Variants in COL25A1 observed in about 807,000 individuals in gnomAD.
COL25A1 encodes the protein collagen type XXV alpha 1 chain.
A neutral mutation model predicts 128.4 loss-of-function variants in COL25A1; 103 were observed. The observed-to-expected ratio is 0.80, with a 90% CI of 0.68 to 0.94. The LOEUF (loss-of-function observed/expected upper bound fraction) is 0.94. Among genes scored for constraint, COL25A1 ranks in the 40% least tolerant of loss-of-function variants. The pLI is 0.00. For synonymous variants in COL25A1, 279 were observed against 277.2 expected (o/e 1.01, Z -0.06); for missense variants, 745 against 840.0 (o/e 0.89, Z 1.40).
chr4:108,881,859 A>G (rs926941681), intron 19 of COL25A1, among the ~76,000 whole-genome samples: 1 of 152,200 alleles, frequency 6.6e-6, no homozygotes, highest in African/African-American at 2.4e-5. Context: ...AGCTTATTAA[A>G]CCAAAAATAG....
At chr4:109,221,221 A>G (rs1392449891) in intron 3 of COL25A1, among the ~76,000 whole-genome samples, 1 of 151,912 alleles carries the variant, frequency 6.6e-6, no homozygotes, top group African/African-American at 2.4e-5. Context: ...AAAATTCTAC[A>G]GCAAAAAAAG....
chr4:108,886,258 C>T (rs1236465858), intron 18 of COL25A1, among the ~76,000 whole-genome samples: 3 of 152,066 alleles, frequency 2.0e-5, no homozygotes, highest in African/African-American at 4.8e-5. Context: ...TGTGGAACAT[C>T]GCCTAACATT....
At position 109,150,010 on chromosome 4, in the gene COL25A1, GTGTA is replaced by G. The variant is rs539654796; in HGVS notation, c.368-99835_368-99832del. ...TGTGTGTATGTGTGGGTGTGTGTGT[GTGTA>G]TGTATCTGTGTGTATGTGTATGTAT... On this transcript the variant is annotated intron_variant, in intron 3 of 37. Transcript: ENST00000399132. 1.6e-3 allele frequency among the ~76,000 whole-genome samples: 240 copies of G among 151,366 alleles called. 2 individuals carry two copies. In the South Asian group the frequency reaches 0.025, roughly 16 times the overall value.
At chr4:109,268,609 G>A (rs1426527204) in intron 3 of COL25A1, among the ~76,000 whole-genome samples, 5 of 152,106 alleles carry the variant, frequency 3.3e-5, no homozygotes, top group African/African-American at 4.8e-5. Flanking sequence ...CCAAAGACAC[G>A]TGCAAATTTA....
Position 108,918,159 on chromosome 4 carries a change from C to A in COL25A1, c.780+13G>T. The stretch of plus-strand genomic sequence containing the variant: ...CAAATTATTTTTAAAATACAATATT[C>A]TATAGAACTCACCTTTTGCCCATTC... On this transcript the variant is annotated intron_variant, in intron 13 of 37. Transcript: ENST00000399132. The A allele has an allele frequency of 6.4e-7, 1 of 1,562,442 alleles. No individual in the cohort carries two copies. Among genetic ancestry groups the A allele is most frequent in the Non-Finnish European group, 8.8e-7 (1 of 1,140,772 alleles).
chr4:108,823,386 A>G (rs1031052374), intron 35 of COL25A1, among the ~76,000 whole-genome samples: 2 of 152,154 alleles, frequency 1.3e-5, no homozygotes, highest in East Asian at 3.9e-4. Context: ...AGACAGAGAT[A>G]GAGAAGGATG....
chr4:108,827,201 G>C lies in COL25A1; in HGVS notation c.1711-13C>G, dbSNP rs1360700572. 4 of 1,613,190 alleles carry C rather than the reference G, an allele frequency of 2.5e-6. 1 individual carries two copies. In the South Asian group the frequency reaches 3.3e-5, roughly 13 times the overall value. ...CTCCTTTTTCACCCTAAAATGAAAA[G>C]TAGAAAGTTCAAATCATACACACCC... is the stretch of plus-strand genomic sequence containing the variant. On this transcript the variant is annotated splice_polypyrimidine_tract_variant and intron_variant, in intron 32 of 37. Transcript: ENST00000399132.
At chr4:109,000,683 T>C (rs1389782450) in intron 6 of COL25A1, among the ~76,000 whole-genome samples, 1 of 124,638 alleles carries the variant, frequency 8.0e-6, no homozygotes, top group African/African-American at 2.8e-5. Context: ...GAGGCAAAGG[T>C]TGCAGTGAGC....
chr4:108,998,428 A>C (rs1262545025), intron 6 of COL25A1, among the ~76,000 whole-genome samples: 1 of 152,264 alleles, frequency 6.6e-6, no homozygotes, highest in Non-Finnish European at 1.5e-5. Flanking sequence ...GGACCTCTTC[A>C]AGGAGAACTA....
At chr4:109,182,266 C>T (rs1204190772) in intron 3 of COL25A1, among the ~76,000 whole-genome samples, 1 of 152,014 alleles carries the variant, frequency 6.6e-6, no homozygotes, top group East Asian at 1.9e-4. Flanking sequence ...TTTGAGGAAC[C>T]TCCACACTGT....
rs55997800 is a variant in COL25A1 at position 109,254,469 on chromosome 4, T to TTATATATATATATA, written c.367+46100_367+46113dup. Among the ~76,000 whole-genome samples, 529 of 59,302 alleles carry TTATATATATATATA rather than the reference T, an allele frequency of 8.9e-3. 6 individuals are homozygous for TTATATATATATATA. Among genetic ancestry groups the TTATATATATATATA allele is most frequent in the African/African-American group, 0.017 (294 of 17,808 alleles). The allele number at this position is 59,302 out of a possible 152,430, so 38.9% of individuals were successfully genotyped here. ...GTGCTATGTACATGTAGGCATATGT[T>TTATATATATATATA]TATATATATATATATATATATATAT... On this transcript the variant is annotated intron_variant, in intron 3 of 37. Coordinates refer to ENST00000399132, the MANE Select transcript of COL25A1 (RefSeq NM_198721.4).
intron 3 of COL25A1, among the ~76,000 whole-genome samples, chr4:109,133,986 A>G (rs1011052584): frequency 1.3e-5 from 2 of 152,132 alleles, no homozygotes; most frequent in Admixed American, 6.6e-5. Flanking sequence ...CTACAGGGAG[A>G]GGGATGGGAG....
intron 3 of COL25A1, among the ~76,000 whole-genome samples, chr4:109,187,229 ATAAT>A (rs962565655): frequency 1.8e-5 from 2 of 108,428 alleles, no homozygotes; most frequent in Admixed American, 9.2e-5. Flanking sequence ...ACACACACAC[ATAAT>A]TAACTTTTCC....
intron 11 of COL25A1, among the ~76,000 whole-genome samples, chr4:108,937,556 C>A (rs574752277): frequency 6.7e-6 from 1 of 150,254 alleles, no homozygotes; most frequent in South Asian, 2.2e-4. Context: ...TTAATTAATT[C>A]TCTCCTTTGA....
At chr4:109,154,355 G>A (rs1346810275) in intron 3 of COL25A1, among the ~76,000 whole-genome samples, 1 of 152,192 alleles carries the variant, frequency 6.6e-6, no homozygotes, top group Non-Finnish European at 1.5e-5. Context: ...TTTATGTACA[G>A]TGTTATCCAA....
intron 3 of COL25A1, among the ~76,000 whole-genome samples, chr4:109,069,358 T>G (rs1164399927): frequency 6.6e-6 from 1 of 151,948 alleles, no homozygotes; most frequent in Non-Finnish European, 1.5e-5. Context: ...ACAGCAGGCA[T>G]GCACCACCAC....
At chr4:108,927,332 C>T (rs1009586985) in intron 11 of COL25A1, among the ~76,000 whole-genome samples, 1 of 152,114 alleles carries the variant, frequency 6.6e-6, no homozygotes, top group African/African-American at 2.4e-5. Flanking sequence ...CCATATATTT[C>T]ACATCGTCAG....
At chr4:108,891,411 C>T (rs6533392) in intron 16 of COL25A1, among the ~76,000 whole-genome samples, 81,839 of 152,022 alleles carry the variant, frequency 0.54, 23,386 homozygotes, top group East Asian at 1. Context: ...TAATATCCAA[C>T]TGAGTTCCAA....
chr4:108,849,810 C>T (rs1038867400), intron 26 of COL25A1, among the ~76,000 whole-genome samples: 5 of 152,120 alleles, frequency 3.3e-5, no homozygotes, highest in African/African-American at 9.7e-5. Flanking sequence ...CTATAAACCA[C>T]AATATTGAAA....
Sources: gnomAD v4.1 joint callset for allele counts (sites outside exome capture counted in the v4.1 genomes callset) on GRCh38, gnomAD v4.1.1 for gene constraint, MANE v1.5 for transcripts, NCBI Gene and HGNC (gene_info 2026-07-23, HGNC 2026-07-21) for gene names.